HPSE2: variants seen among roughly 807,000 people sequenced by gnomAD.
HPSE2 encodes the protein heparanase 2 (inactive), also known as inactive heparanase-2.
HPSE2 carries 38 observed loss-of-function variants against 60.5 expected under a neutral mutation model. The observed-to-expected ratio is 0.63, with a 90% CI of 0.48 to 0.82. The LOEUF is 0.82. HPSE2 is among the 40% of genes least tolerant of loss of function. The probability of loss-of-function intolerance (pLI) is 0.00; values close to 1 mark genes in which losing one functional copy is unlikely to be tolerated. For missense variants in HPSE2, 713 were observed against 740.4 expected (o/e 0.96, Z 0.43); for synonymous variants, 295 against 293.2 (o/e 1.01, Z -0.06).
At chr10:98,623,910 C>A (rs760656208) in intron 7 of HPSE2, among the ~76,000 whole-genome samples, 1 of 151,814 alleles carries the variant, frequency 6.6e-6, no homozygotes, top group Non-Finnish European at 1.5e-5. Context: ...TGGAGGAAAA[C>A]GCTGAGAAAG....
At chr10:98,494,306 C>T (rs893539133) in intron 9 of HPSE2, among the ~76,000 whole-genome samples, 1 of 152,180 alleles carries the variant, frequency 6.6e-6, no homozygotes, top group Non-Finnish European at 1.5e-5. Flanking sequence ...AACGGGACCT[C>T]ACATTCTGTA....
At chr10:98,698,167 C>T (rs1305806398) in intron 5 of HPSE2, among the ~76,000 whole-genome samples, 1 of 142,306 alleles carries the variant, frequency 7.0e-6, no homozygotes, top group East Asian at 2.1e-4. Flanking sequence ...AACTCTCCAC[C>T]CCAAATCAAC....
intron 3 of HPSE2, among the ~76,000 whole-genome samples, chr10:99,021,344 T>C (rs2135426166): frequency 1.3e-5 from 2 of 152,318 alleles, no homozygotes; most frequent in African/African-American, 4.8e-5. Flanking sequence ...ATTACTCTTA[T>C]TTCATAGATG....
intron 3 of HPSE2, among the ~76,000 whole-genome samples, chr10:99,136,328 C>T (rs879584033): frequency 6.6e-6 from 1 of 152,134 alleles, no homozygotes; most frequent in Non-Finnish European, 1.5e-5. Flanking sequence ...GGAACAGGTA[C>T]CATTCCTTCT....
At chr10:98,883,949 A>G (rs1953095541) in intron 3 of HPSE2, among the ~76,000 whole-genome samples, 1 of 152,212 alleles carries the variant, frequency 6.6e-6, no homozygotes, top group Admixed American at 6.5e-5. Context: ...GCTCAAAGCT[A>G]GGCCTCTTAT....
At chr10:99,209,783 G>A (rs578203297) in intron 2 of HPSE2, among the ~76,000 whole-genome samples, 10 of 152,192 alleles carry the variant, frequency 6.6e-5, no homozygotes, top group East Asian at 1.9e-4. Flanking sequence ...TCCGCCTCCC[G>A]GGTTCAAGCG....
chr10:98,482,598 T>C (rs1591247146), intron 11 of HPSE2, 38 bp downstream of exon 11: 2 of 1,613,504 alleles, frequency 1.2e-6, no homozygotes, highest in African/African-American at 2.7e-5. Context: ...CAGCTCCTGC[T>C]GCACTTGCTC....
intron 3 of HPSE2, among the ~76,000 whole-genome samples, chr10:98,829,599 A>G (rs1951635048): frequency 6.6e-6 from 1 of 152,142 alleles, no homozygotes; most frequent in Non-Finnish European, 1.5e-5. Flanking sequence ...GAATCTCTTT[A>G]ATGGCCCTGA....
chr10:99,118,203 A>G (rs1440665461), intron 3 of HPSE2, among the ~76,000 whole-genome samples: 2 of 152,302 alleles, frequency 1.3e-5, no homozygotes, highest in East Asian at 3.9e-4. Context: ...CTTCATGTTA[A>G]AAACTCTCAA....
chr10:98,945,429 T>C (rs566570344), intron 3 of HPSE2, among the ~76,000 whole-genome samples: 2 of 152,278 alleles, frequency 1.3e-5, no homozygotes, highest in South Asian at 2.1e-4. Flanking sequence ...TTGTAGATGA[T>C]ACAGAAAGAT....
intron 3 of HPSE2, among the ~76,000 whole-genome samples, chr10:99,055,001 T>C (rs1385464215): frequency 1.3e-5 from 2 of 152,142 alleles, no homozygotes; most frequent in Non-Finnish European, 2.9e-5. Context: ...TGTGAGCCAC[T>C]GTGCCCGGCC....
intron 7 of HPSE2, among the ~76,000 whole-genome samples, chr10:98,627,243 A>G (rs923233859): frequency 6.6e-6 from 1 of 152,128 alleles, no homozygotes. Context: ...AGGCTGAGGT[A>G]GGAGGATCAC....
chr10:98,721,460 G>A (rs1411528252), intron 5 of HPSE2, among the ~76,000 whole-genome samples, 197 bp downstream of exon 5: 2 of 151,904 alleles, frequency 1.3e-5, no homozygotes, highest in Admixed American at 1.3e-4. Context: ...ACCCCCTGTT[G>A]ACTATGGAAG....
intron 6 of HPSE2, among the ~76,000 whole-genome samples, chr10:98,664,539 G>A (rs1326571299): frequency 6.6e-6 from 1 of 152,164 alleles, no homozygotes; most frequent in African/African-American, 2.4e-5. Context: ...ACCTGGTAAA[G>A]GGATCACCTC....
intron 3 of HPSE2, among the ~76,000 whole-genome samples, chr10:98,905,670 C>T (rs372140477): frequency 6.6e-6 from 1 of 151,940 alleles, no homozygotes; most frequent in South Asian, 2.1e-4. Flanking sequence ...ATAAATAGCT[C>T]CAATATTATA....
intron 3 of HPSE2, among the ~76,000 whole-genome samples, chr10:98,806,050 G>A (rs572079701): frequency 3.4e-4 from 51 of 152,172 alleles, no homozygotes; most frequent in Non-Finnish European, 6.5e-4. Flanking sequence ...GGCTTTCAGT[G>A]CATGGACTAT....
intron 2 of HPSE2, among the ~76,000 whole-genome samples, chr10:99,148,524 CTCACGCCTG>C (rs1166253511): frequency 6.6e-6 from 1 of 152,116 alleles, no homozygotes; most frequent in Non-Finnish European, 1.5e-5. Context: ...GGTGCAGTAG[CTCACGCCTG>C]TAATCCCAGC....
At chr10:99,262,027 ACTCCTTCC>A in the HPSE2 span, among the ~76,000 whole-genome samples, 1 of 151,638 alleles carries the variant, frequency 6.6e-6, no homozygotes, top group Non-Finnish European at 1.5e-5. Context: ...TCTCTGACTG[ACTCCTTCC>A]CAGATCTTCT....
chr10:98,489,172 T>C (rs1406516312), intron 10 of HPSE2, among the ~76,000 whole-genome samples: 1 of 152,132 alleles, frequency 6.6e-6, no homozygotes, highest in Admixed American at 6.5e-5. Context: ...AGAGAAAGAA[T>C]TATATTTTCC....
Sources: gnomAD v4.1 joint callset for allele counts (sites outside exome capture counted in the v4.1 genomes callset) on GRCh38, gnomAD v4.1.1 for gene constraint, MANE v1.5 for transcripts, NCBI Gene and HGNC (gene_info 2026-07-23, HGNC 2026-07-21) for gene names.